The following ACSM3 variants were observed in gnomAD, a reference collection of about 807,000 sequenced individuals.
ACSM3 encodes acyl-CoA synthetase medium chain family member 3.
Under a neutral mutation model 74.1 loss-of-function variants are expected in ACSM3, and 61 were observed. The ratio of observed to expected loss-of-function variants is 0.82; its 90% CI spans 0.67 to 1.02. The LOEUF (loss-of-function observed/expected upper bound fraction) is 1.02. ACSM3 is among the 50% of genes least tolerant of loss of function. The probability of loss-of-function intolerance (pLI) is 0.00; values close to 1 mark genes in which losing one functional copy is unlikely to be tolerated. For missense variants in ACSM3, 660 were observed against 697.0 expected, an observed-to-expected ratio of 0.95 and a Z score of 0.60; for synonymous variants, 213 against 241.5, an observed-to-expected ratio of 0.88 and a Z score of 1.09.
At chr16:20,779,514 T>C (rs1852018148) in intron 4 of ACSM3, among the ~76,000 whole-genome samples, 1 of 152,164 alleles carries the variant, frequency 6.6e-6, no homozygotes, top group African/African-American at 2.4e-5. Flanking sequence ...TTTCTACTCA[T>C]TCTCAACCCC....
At chr16:20,729,972 A>G (rs1319178386) in intron 1 of ACSM3, among the ~76,000 whole-genome samples, 2 of 152,130 alleles carry the variant, frequency 1.3e-5, no homozygotes, top group African/African-American at 4.8e-5. Context: ...ACACAGGTTA[A>G]CAATCCTCCA....
intron 3 of ACSM3, 150 bp from the exon 4 acceptor site, chr16:20,777,223 G>C: frequency 1.4e-6 from 1 of 733,686 alleles, no homozygotes; most frequent in Non-Finnish European, 2.1e-6. Context: ...GGCAAAAGCA[G>C]ATAAGTGAAA....
chr16:20,715,593 G>C (rs1477146460), intron 1 of ACSM3, among the ~76,000 whole-genome samples: 1 of 150,598 alleles, frequency 6.6e-6, no homozygotes, highest in Non-Finnish European at 1.5e-5. Flanking sequence ...GACAGAGTGA[G>C]ACTCCATCTC....
At chr16:20,757,454 A>G (rs934698671) in intron 3 of ACSM3, among the ~76,000 whole-genome samples, 11 of 151,816 alleles carry the variant, frequency 7.2e-5, no homozygotes, top group Non-Finnish European at 1.6e-4. Context: ...ATTGGTGTAT[A>G]AGAATGCTTG....
intron 1 of ACSM3, among the ~76,000 whole-genome samples, chr16:20,726,796 T>G (rs1192168200): frequency 6.6e-6 from 1 of 152,222 alleles, no homozygotes; most frequent in Non-Finnish European, 1.5e-5. Context: ...GTGGTGAGAA[T>G]TTAATGTAAG....
Position 20,786,117 on chromosome 16 carries a change from C to A in ACSM3, c.1183C>A (p.Pro395Thr), listed in dbSNP as rs765370178. Residue 395 changes from proline to threonine, a missense_variant, in exon 9 of 14, where the codon CCT becomes ACT. Pro to Thr is a conservative substitution (Grantham distance 38, BLOSUM62 -1). Coordinates refer to ENST00000289416, the MANE Select transcript of ACSM3 (RefSeq NM_005622.4). ...AAATTTTAAGGGAATGAAAATTAAA[C>A]CTGGCTCAATGGGAAAACCTTCTCC... ...CGNFKGMKIK[P>T]GSMGKPSPAF... 6.2e-7 allele frequency: 1 copy of A among 1,603,114 alleles called. No individual in the cohort carries two copies.
chr16:20,676,991 A>G (rs527338796), intron 1 of ACSM3, among the ~76,000 whole-genome samples: 1 of 152,272 alleles, frequency 6.6e-6, no homozygotes, highest in Admixed American at 6.5e-5. Flanking sequence ...AAAAGTCTCC[A>G]GTATTTAAGC....
chr16:20,769,880 A>C (rs1596510716), intron 1 of ACSM3, 104 bp from the exon 2 acceptor site: 1 of 649,064 alleles, frequency 1.5e-6, no homozygotes, highest in Non-Finnish European at 2.7e-6. Context: ...AGCAAATGGT[A>C]CTATCATGAT....
chr16:20,755,854 A>G (rs1194049673), intron 3 of ACSM3, among the ~76,000 whole-genome samples: 4 of 132,736 alleles, frequency 3.0e-5, no homozygotes, highest in Non-Finnish European at 6.1e-5. Flanking sequence ...TCATTGTTCA[A>G]TTCCCACCTA....
In ACSM3 at chr16:20,797,293, T is replaced by A. The variant is rs2080741165; in HGVS notation, c.*321T>A. ...CATAGGTTTTCAAACTTTAGTTGAC[T>A]AATTCTTCTGATATGTTGATATACA... On this transcript the variant is annotated 3_prime_UTR_variant, in exon 14 of 14. Coordinates refer to ENST00000289416, the MANE Select transcript of ACSM3 (RefSeq NM_005622.4). 3.8e-6 allele frequency: 4 copies of A among 1,039,778 alleles called. No homozygotes were observed. Among genetic ancestry groups the A allele is most frequent in the Non-Finnish European group, 4.6e-6 (4 of 867,976 alleles). The allele number at this position is 1,039,778 out of a possible 1,614,324, so 64.4% of individuals were successfully genotyped here.
intron 4 of ACSM3, among the ~76,000 whole-genome samples, chr16:20,779,534 G>T (rs375486899): frequency 6.6e-6 from 1 of 152,244 alleles, no homozygotes; most frequent in African/African-American, 2.4e-5. Flanking sequence ...CACATGCCTG[G>T]ATAAGTCTGT....
chr16:20,794,949 T>G (rs1013252032), intron 12 of ACSM3, among the ~76,000 whole-genome samples: 2 of 152,242 alleles, frequency 1.3e-5, no homozygotes, highest in African/African-American at 4.8e-5. Context: ...GTAGAAATCG[T>G]CAATATGTGA....
At chr16:20,750,914 G>T (rs542747656) in intron 2 of ACSM3, among the ~76,000 whole-genome samples, 1 of 139,216 alleles carries the variant, frequency 7.2e-6, no homozygotes, top group African/African-American at 2.6e-5. Context: ...GTGCAATCTT[G>T]GCTCACTGCA....
At chr16:20,718,001 A>G (rs1029842013) in intron 1 of ACSM3, among the ~76,000 whole-genome samples, 4 of 150,358 alleles carry the variant, frequency 2.7e-5, no homozygotes, top group African/African-American at 4.9e-5. Context: ...AAGAAGAAGA[A>G]GAAGAAGAAG....
At chr16:20,682,375 G>A in intron 1 of ACSM3, 1 of 1,613,848 alleles carries the variant, frequency 6.2e-7, no homozygotes, top group Non-Finnish European at 8.5e-7. Context: ...GGGCATCTAT[G>A]GTCACAATGC....
intron 1 of ACSM3, among the ~76,000 whole-genome samples, chr16:20,691,751 ATGTGTGTGTGTGTGTGTGTGTG>A (rs59929923): frequency 1.4e-3 from 182 of 134,080 alleles, no homozygotes; most frequent in African/African-American, 4.1e-3. Context: ...TACCTCTCCA[ATGTGTGTGTGTGTGTGTGTGTG>A]TGTGTGTGTG....
chr16:20,716,215 G>A (rs568211940), intron 1 of ACSM3, among the ~76,000 whole-genome samples: 2 of 152,270 alleles, frequency 1.3e-5, no homozygotes, highest in South Asian at 4.1e-4. Flanking sequence ...GGGGTGGTTT[G>A]TTACTCAGTG....
At chr16:20,742,097 A>G (rs1387285729) in intron 1 of ACSM3, 8 of 1,269,964 alleles carry the variant, frequency 6.3e-6, no homozygotes, top group Non-Finnish European at 7.1e-6. Context: ...AGCCTTCCCT[A>G]TAATTCTGCC....
At chr16:20,713,301 C>G (rs1423667894) in intron 1 of ACSM3, among the ~76,000 whole-genome samples, 1 of 152,120 alleles carries the variant, frequency 6.6e-6, no homozygotes, top group African/African-American at 2.4e-5. Context: ...TTATAATTTT[C>G]AAGTTAACAA....
Sources: allele counts gnomAD v4.1 joint callset (sites outside exome capture counted in the v4.1 genomes callset), GRCh38; gene constraint gnomAD v4.1.1; transcripts MANE v1.5; gene names NCBI Gene and HGNC (gene_info 2026-07-23, HGNC 2026-07-21).